Variants in EVI5 observed in about 807,000 individuals in gnomAD.
EVI5 encodes ecotropic viral integration site 5 protein homolog.
Under a neutral mutation model 112.0 loss-of-function variants are expected in EVI5, and 73 were observed. The observed-to-expected ratio is 0.65, with a 90% CI of 0.54 to 0.79. The LOEUF is 0.79. Ranked by LOEUF, EVI5 falls within the 30% of genes least tolerant of loss-of-function variation. EVI5 has a pLI of 0.00. For synonymous variants in EVI5, 305 were observed against 319.9 expected, an observed-to-expected ratio of 0.95 and a Z score of 0.50; for missense variants, 900 against 968.8, an observed-to-expected ratio of 0.93 and a Z score of 0.94.
intron 16 of EVI5, among the ~76,000 whole-genome samples, chr1:92,621,390 C>T (rs1179112504): frequency 6.6e-6 from 1 of 152,240 alleles, no homozygotes; most frequent in Non-Finnish European, 1.5e-5. Context: ...CTCACTGCTG[C>T]AACCTCCACC....
intron 9 of EVI5, among the ~76,000 whole-genome samples, chr1:92,690,733 C>T (rs1470263325): frequency 1.3e-5 from 2 of 152,152 alleles, no homozygotes; most frequent in Non-Finnish European, 2.9e-5. Flanking sequence ...AAAGTATCAA[C>T]TTACAAAGTA....
rs1196230541 is a variant in EVI5 at position 92,718,399 on chromosome 1, C to T, written c.150-13655G>A. On this transcript the variant is annotated intron_variant, in intron 2 of 19. Transcript: ENST00000684568. Reference sequence around the variant, plus strand: ...TCAGGATTCAGAAACTCACTCAAAACGCACAATTATATGGAAACTGAACAA... The same window carrying T: ...TCAGGATTCAGAAACTCACTCAAAATGCACAATTATATGGAAACTGAACAA... 3.3e-5 allele frequency among the ~76,000 whole-genome samples: 5 copies of T among 152,214 alleles called. No individual in the cohort carries two copies. In the South Asian group the frequency reaches 8.3e-4, roughly 25 times the overall value.
chr1:92,607,802 T>A (rs1323698991), intron 16 of EVI5, 75 bp from the exon 17 acceptor site: 21 of 914,782 alleles, frequency 2.3e-5, no homozygotes, highest in Non-Finnish European at 3.1e-5. Flanking sequence ...CTATCCATTT[T>A]ATACCATAAC....
intron 14 of EVI5, among the ~76,000 whole-genome samples, chr1:92,631,875 G>T (rs1290190242): frequency 6.6e-6 from 1 of 152,172 alleles, no homozygotes; most frequent in African/African-American, 2.4e-5. Context: ...AATTTATTGA[G>T]AGTTTTTGGC....
intron 18 of EVI5, among the ~76,000 whole-genome samples, chr1:92,578,728 A>C (rs556930095): frequency 4.6e-5 from 7 of 152,082 alleles, no homozygotes; most frequent in African/African-American, 1.7e-4. Context: ...AAAAAAAAAA[A>C]AAAAGAAAAG....
At chr1:92,753,600 ACAC>A (rs1274976959) in intron 1 of EVI5, among the ~76,000 whole-genome samples, 1 of 152,206 alleles carries the variant, frequency 6.6e-6, no homozygotes, top group Non-Finnish European at 1.5e-5. Context: ...TTTTACATGT[ACAC>A]CACATCTCAA....
At chr1:92,727,973 GAC>G (rs1675842240) in intron 2 of EVI5, among the ~76,000 whole-genome samples, 1 of 149,744 alleles carries the variant, frequency 6.7e-6, no homozygotes, top group South Asian at 2.1e-4. Context: ...CAGCCTGGGT[GAC>G]AGAGTGCGAC....
intron 1 of EVI5, among the ~76,000 whole-genome samples, chr1:92,758,977 CCTGCAATCCCAACA>C (rs1478844319): frequency 3.0e-4 from 45 of 152,258 alleles, no homozygotes; most frequent in African/African-American, 9.9e-4. Context: ...GTGGCTCATG[CCTGCAATCCCAACA>C]CTTTGGGAGG....
chr1:92,755,590 T>A (rs1680837106), intron 1 of EVI5, among the ~76,000 whole-genome samples: 1 of 152,206 alleles, frequency 6.6e-6, no homozygotes, highest in African/African-American at 2.4e-5. Flanking sequence ...TCTGTCCCAA[T>A]ACTCAAATAA....
intron 19 of EVI5, among the ~76,000 whole-genome samples, chr1:92,523,175 G>C (rs1661249421): frequency 1.3e-5 from 2 of 152,128 alleles, no homozygotes; most frequent in African/African-American, 4.8e-5. Context: ...ATAGATGTGA[G>C]CCACGGTGCC....
intron 18 of EVI5, among the ~76,000 whole-genome samples, chr1:92,599,427 A>G (rs975559917): frequency 6.6e-6 from 1 of 152,028 alleles, no homozygotes; most frequent in African/African-American, 2.4e-5. Flanking sequence ...ATGACTAAGA[A>G]AATAACCTAA....
chr1:92,683,897 G>C (rs951146935), intron 9 of EVI5, among the ~76,000 whole-genome samples: 7 of 152,164 alleles, frequency 4.6e-5, no homozygotes, highest in Non-Finnish European at 8.8e-5. Flanking sequence ...AAATATGGGA[G>C]TATGTGAAAA....
intron 2 of EVI5, among the ~76,000 whole-genome samples, chr1:92,723,149 A>C (rs756382568): frequency 5.3e-5 from 8 of 152,214 alleles, no homozygotes; most frequent in Non-Finnish European, 8.8e-5. Flanking sequence ...GGTCTATTTA[A>C]AGTAAAAATA....
At chr1:92,575,431 GT>G (rs575510281) in intron 18 of EVI5, among the ~76,000 whole-genome samples, 9 of 151,384 alleles carry the variant, frequency 5.9e-5, no homozygotes, top group East Asian at 5.8e-4. Flanking sequence ...ACTGAAGATA[GT>G]TTTTTTTCAG....
chr1:92,661,997 A>T (rs748082631), intron 13 of EVI5, among the ~76,000 whole-genome samples: 7 of 152,038 alleles, frequency 4.6e-5, no homozygotes, highest in Non-Finnish European at 8.8e-5. Flanking sequence ...CCTGATTAAG[A>T]TCGCCCTTGT....
At chr1:92,707,799 T>C (rs1047082708) in intron 2 of EVI5, among the ~76,000 whole-genome samples, 5 of 152,122 alleles carry the variant, frequency 3.3e-5, no homozygotes, top group Non-Finnish European at 4.4e-5. Flanking sequence ...AAAGAAGACA[T>C]AGTTGAAAGT....
At chr1:92,614,047 T>C (rs1449812808) in intron 16 of EVI5, among the ~76,000 whole-genome samples, 1 of 152,232 alleles carries the variant, frequency 6.6e-6, no homozygotes, top group Non-Finnish European at 1.5e-5. Context: ...AAACAGCTCC[T>C]ACTCTAAAAA....
At chr1:92,635,827 T>C (rs1266170516) in intron 14 of EVI5, among the ~76,000 whole-genome samples, 1 of 152,226 alleles carries the variant, frequency 6.6e-6, no homozygotes, top group African/African-American at 2.4e-5. Context: ...GAAATGTCTA[T>C]GTATTAGTCC....
intron 10 of EVI5, among the ~76,000 whole-genome samples, chr1:92,675,421 T>C (rs1280914025): frequency 2.0e-5 from 3 of 152,226 alleles, no homozygotes; most frequent in Non-Finnish European, 4.4e-5. Context: ...TTGGTATTCC[T>C]ATATTCATGT....
Sources: gnomAD v4.1 joint callset for allele counts (sites outside exome capture counted in the v4.1 genomes callset) on GRCh38, gnomAD v4.1.1 for gene constraint, MANE v1.5 for transcripts, NCBI Gene and HGNC (gene_info 2026-07-23, HGNC 2026-07-21) for gene names.